MAPK15: variants seen among roughly 807,000 people sequenced by gnomAD.
MAPK15 encodes mitogen-activated protein kinase 15, also known as ERK-7.
In MAPK15, 61 loss-of-function variants were observed where a neutral mutation model predicts 60.8. The ratio of observed to expected loss-of-function variants is 1.00; its 90% confidence interval spans 0.82 to 1.24. The LOEUF (loss-of-function observed/expected upper bound fraction) is 1.24, where lower values mean the gene tolerates loss of function less well. Ranked by LOEUF, MAPK15 falls within the 50% of genes most tolerant of loss-of-function variation. The probability of loss-of-function intolerance (pLI) is 0.00; values close to 1 mark genes in which losing one functional copy is unlikely to be tolerated. For synonymous variants in MAPK15, 356 were observed against 319.9 expected (o/e 1.11, Z -1.21); for missense variants, 808 against 741.1 (o/e 1.09, Z -1.05).
intron 4 of MAPK15, 41 bp downstream of exon 4, chr8:143,718,343 T>G: frequency 1.3e-6 from 2 of 1,585,008 alleles, no homozygotes; most frequent in Non-Finnish European, 1.7e-6. Flanking sequence ...CCACCTCTGT[T>G]CTGTCCTGAC....
In MAPK15 at chr8:143,718,879, G is replaced by A; in HGVS notation, c.391G>A (p.Gly131Arg). Residue 131 changes from glycine to arginine, a missense_variant, in exon 5 of 14, where the codon GGG (glycine) becomes AGG (arginine). Gly to Arg is a moderately radical substitution (Grantham distance 125). Coordinates refer to ENST00000338033, the MANE Select transcript of MAPK15 (RefSeq NM_139021.3). ...GCGGGCCACCCGGTTCCTCCACTCG[G>A]GGCACGTTGTGCACCGGGACCAGAA... ...LLRATRFLHS[G>R]HVVHRDQKPS... 2 of 1,610,280 alleles carry A rather than the reference G, an allele frequency of 1.2e-6. No individual in the cohort carries two copies. The highest frequency in any genetic ancestry group is 8.5e-7 in the Non-Finnish European group (1 of 1,178,722).
At chr8:143,717,562 G>A (rs1385615266) in intron 1 of MAPK15, 132 bp from the exon 2 acceptor site, 8 of 722,438 alleles carry the variant, frequency 1.1e-5, no homozygotes, top group Non-Finnish European at 1.9e-5. Flanking sequence ...GCCTGCAGTT[G>A]CGGGAGCCCA....
chr8:143,720,715 G>A lies in MAPK15; in HGVS notation c.792G>A (p.Thr264=), dbSNP rs782221286. Reference sequence around the variant, plus strand: ...CGGCAGCCCACAGGCCACGACAGACGCTGGATGCCCTCCTACCGCCAGACA... The same window carrying A: ...CGGCAGCCCACAGGCCACGACAGACACTGGATGCCCTCCTACCGCCAGACA... ...LHQLGSRPRQ[T]LDALLPPDTS... The change falls in exon 9 of 14, where the codon ACG becomes ACA. Residue 264 remains threonine, a synonymous_variant. Coordinates refer to ENST00000338033, the MANE Select transcript of MAPK15 (RefSeq NM_139021.3). This position sits in a 1 kb window ranked among gnomAD's most constrained non-coding sequence, Gnocchi z 4.6. 14 of 1,611,886 alleles carry A rather than the reference G, an allele frequency of 8.7e-6. No homozygotes were observed. The highest frequency in any genetic ancestry group is 2.2e-5 in the East Asian group (1 of 44,804).
chr8:143,720,171 C>T lies in MAPK15; in HGVS notation c.722-59C>T, dbSNP rs561756475. The T allele has an allele frequency of 1.3e-6, 2 of 1,540,724 alleles. No individual in the cohort carries two copies. Among genetic ancestry groups the T allele is most frequent in the African/African-American group, 1.4e-5 (1 of 72,926 alleles). ...TGGAAGAGATGACTGGCCCCAGATG[C>T]CCTGAGCCGCCCCAGCCGACCAGGC... On this transcript the variant is annotated intron_variant, in intron 7 of 13. Transcript: ENST00000338033. This position sits in a 1 kb window ranked among gnomAD's most constrained non-coding sequence, Gnocchi z 4.6.
Position 143,719,352 on chromosome 8 carries a change from T to C in MAPK15, c.591T>C (p.Leu197=). The change falls in exon 7 of 14, where the codon CTT becomes CTC. Residue 197 remains leucine, a synonymous_variant. Transcript: ENST00000338033. ...EVLLSSHRYT[L]GVDMWSLGCI... The stretch of plus-strand genomic sequence containing the variant: ...CCGCTTCCTGCCCCAGATACACCCT[T>C]GGGGTGGACATGTGGAGTCTGGGCT... The C allele has an allele frequency of 2.5e-6, 4 of 1,607,140 alleles. No individual in the cohort carries two copies. Among genetic ancestry groups the C allele is most frequent in the South Asian group, 1.1e-5 (1 of 90,036 alleles).
In MAPK15 at chr8:143,720,500, G is replaced by A. The variant is rs112919018; in HGVS notation, c.780-203G>A. 1.8e-4 allele frequency: 258 copies of A among 1,451,680 alleles called. 3 individuals are homozygous for A. The African/African-American group carries it at 3.1e-3, about 18-fold the overall frequency. 89.9% of individuals were successfully genotyped at this position (1,451,680 alleles called of 1,614,324 possible). A position where few individuals can be genotyped will look rare whatever the true frequency, so the allele number is the denominator to read the frequency against. ...TGGCCCAGAGGAGCTGTGCCAGGGC[G>A]TGGAGAGGAGGGCACCAGGGGGCCG... On this transcript the variant is annotated intron_variant, in intron 8 of 13. Transcript: ENST00000338033. This position sits in a 1 kb window ranked among gnomAD's most constrained non-coding sequence, Gnocchi z 4.6.
chr8:143,718,888 G>A lies in MAPK15; in HGVS notation c.400G>A (p.Val134Met), dbSNP rs781847113. The A allele has an allele frequency of 9.7e-5, 156 of 1,608,574 alleles. No individual in the cohort carries two copies. Among genetic ancestry groups the A allele is most frequent in the Non-Finnish European group, 1.3e-4 (152 of 1,177,712 alleles). The change falls in exon 5 of 14, where the codon GTG (valine) becomes ATG (methionine). Residue 134 changes from valine (V) to methionine (M), a missense_variant. Coordinates refer to ENST00000338033, the MANE Select transcript of MAPK15 (RefSeq NM_139021.3). Reference protein sequence around the residue: ...ATRFLHSGHVVHRDQKPSNVL... With the variant: ...ATRFLHSGHVMHRDQKPSNVL... The stretch of plus-strand genomic sequence containing the variant: ...CCGGTTCCTCCACTCGGGGCACGTT[G>A]TGCACCGGGACCAGAAGGTGCGGTT...
chr8:143,720,316 C>A lies in MAPK15; in HGVS notation c.779+29C>A. 1 of 1,558,620 alleles carries A rather than the reference C, an allele frequency of 6.4e-7. No individual in the cohort carries two copies. On this transcript the variant is annotated intron_variant, in intron 8 of 13. Transcript: ENST00000338033. The surrounding 1 kb of genome is among the most constrained non-coding windows in gnomAD (Gnocchi z 4.6). ...AGTGGGGGCACTTCGGTGAGGGTGA[C>A]AGGGTGGCCTATCTCAAGGGAGCAG...
At chr8:143,716,676 C>T (rs1817823748) in intron 1 of MAPK15, among the ~76,000 whole-genome samples, 1 of 152,156 alleles carries the variant, frequency 6.6e-6, no homozygotes, top group Admixed American at 6.5e-5. Flanking sequence ...ACAGCCAGGG[C>T]CGCCAGAGGC....
chr8:143,718,960 GC>G, intron 5 of MAPK15, 32 bp from the exon 6 acceptor site: 1 of 1,599,732 alleles, frequency 6.3e-7, no homozygotes, highest in African/African-American at 1.3e-5. Context: ...GCCCCACCCA[GC>G]CCCGGGGCCT....
In MAPK15 at chr8:143,719,094, C is replaced by G. The variant is rs140038594; in HGVS notation, c.519C>G (p.Ala173=). Residue 173 remains alanine, a synonymous_variant, in exon 6 of 14, where the codon GCC becomes GCG. Coordinates refer to ENST00000338033, the MANE Select transcript of MAPK15 (RefSeq NM_139021.3). ...GDLPEGPEDQ[A]VTEYVATRWY... ...TCCCCGAGGGGCCTGAGGACCAGGC[C>G]GTGACAGAGTACGTGGCCACACGCT... 1.9e-6 allele frequency: 3 copies of G among 1,568,052 alleles called. No homozygotes were observed. Among genetic ancestry groups the G allele is most frequent in the African/African-American group, 1.4e-5 (1 of 73,702 alleles).
chr8:143,718,727 G>GGGGC, intron 4 of MAPK15, 48 bp from the exon 5 acceptor site: 2 of 514,512 alleles, frequency 3.9e-6, no homozygotes, highest in Non-Finnish European at 6.3e-6. Context: ...CCCCCAGGTT[G>GGGGC]CCCCCCCAGC....
chr8:143,718,486 C>T (rs376553552), intron 4 of MAPK15, 184 bp downstream of exon 4: 189 of 667,390 alleles, frequency 2.8e-4, no homozygotes, highest in African/African-American at 2.8e-3. Flanking sequence ...GAGCCAGCAG[C>T]GACCCCTTTC....
In MAPK15 at chr8:143,718,920, C is replaced by T. The variant is rs1554619071; in HGVS notation, c.417+15C>T. 1.3e-6 allele frequency: 2 copies of T among 1,599,518 alleles called. No homozygotes were observed. The highest frequency in any genetic ancestry group is 8.5e-7 in the Non-Finnish European group (1 of 1,172,086). ...GGGACCAGAAGGTGCGGTTCCCCCG[C>T]CCCCGCTATGCCACGTGGCCCGGCT... On this transcript the variant is annotated intron_variant, in intron 5 of 13. Coordinates refer to ENST00000338033, the MANE Select transcript of MAPK15 (RefSeq NM_139021.3).
intron 4 of MAPK15, 27 bp from the exon 5 acceptor site, chr8:143,718,748 C>CCCCCCCCCCCT: frequency 6.6e-7 from 1 of 1,510,594 alleles, no homozygotes; most frequent in Non-Finnish European, 8.9e-7. Flanking sequence ...CCCCCACCCC[C>CCCCCCCCCCCT]GACTGCAGTG....
In MAPK15 at chr8:143,720,364, T is replaced by G; in HGVS notation, c.779+77T>G. 6.8e-7 allele frequency: 1 copy of G among 1,476,540 alleles called. No homozygotes were observed. The highest frequency in any genetic ancestry group is 9.0e-7 in the Non-Finnish European group (1 of 1,109,816). The allele number at this position is 1,476,540 out of a possible 1,614,324, so 91.5% of individuals were successfully genotyped here. A position where few individuals can be genotyped will look rare whatever the true frequency, so the allele number is the denominator to read the frequency against. On this transcript the variant is annotated intron_variant, in intron 8 of 13. Transcript: ENST00000338033. This position sits in a 1 kb window ranked among gnomAD's most constrained non-coding sequence, Gnocchi z 4.6. Reference sequence around the variant, plus strand: ...CAGGGCCACCTTCCTGCAAGTTTACTGGGGCCAGTTTGTACCAGTTCAGAT... The same window carrying G: ...CAGGGCCACCTTCCTGCAAGTTTACGGGGGCCAGTTTGTACCAGTTCAGAT...
chr8:143,722,021 C>T, intron 13 of MAPK15, 54 bp from the exon 14 acceptor site: 7 of 1,568,568 alleles, frequency 4.5e-6, no homozygotes, highest in Non-Finnish European at 6.1e-6. Flanking sequence ...CAAGGCCTCC[C>T]CTCCACTGCA....
Position 143,722,312 on chromosome 8 carries a change from C to A in MAPK15, c.*61C>A. ...GCCCCAGCCCCTTCCCCAGACCCCTCTCCAGTCTCCTGCACCCCTTAGCCC... is the reference window on the plus strand; with the variant it reads ...GCCCCAGCCCCTTCCCCAGACCCCTATCCAGTCTCCTGCACCCCTTAGCCC... On this transcript the variant is annotated 3_prime_UTR_variant, in exon 14 of 14. Transcript: ENST00000338033. The A allele has an allele frequency of 1.4e-6, 2 of 1,422,260 alleles. No individual in the cohort carries two copies. Among genetic ancestry groups the A allele is most frequent in the Non-Finnish European group, 1.9e-6 (2 of 1,062,266 alleles). The allele number at this position is 1,422,260 out of a possible 1,614,324, so 88.1% of individuals were successfully genotyped here.
rs1554620032 is a variant in MAPK15 at position 143,721,900 on chromosome 8, C to G, written c.1458+20C>G. On this transcript the variant is annotated intron_variant, in intron 13 of 13. Coordinates refer to ENST00000338033, the MANE Select transcript of MAPK15 (RefSeq NM_139021.3). ...CAACAGGTAAGCCCGGCCCAGTCTGCCCCCGTCCCCTCATCCTCCTTTCCC... is the reference window on the plus strand; with the variant it reads ...CAACAGGTAAGCCCGGCCCAGTCTGGCCCCGTCCCCTCATCCTCCTTTCCC... The G allele has an allele frequency of 1.3e-6, 2 of 1,548,350 alleles. No individual in the cohort carries two copies. The highest frequency in any genetic ancestry group is 4.5e-5 in the East Asian group (2 of 44,238).
Sources: allele counts gnomAD v4.1 joint callset (sites outside exome capture counted in the v4.1 genomes callset), GRCh38; gene constraint gnomAD v4.1.1; non-coding constraint Gnocchi (gnomAD v3.1); transcripts MANE v1.5; gene names NCBI Gene and HGNC (gene_info 2026-07-23, HGNC 2026-07-21).